Variants in SH3RF1 observed in about 807,000 individuals in gnomAD.
SH3RF1 encodes the protein SH3 domain containing ring finger 1.
Under a neutral mutation model 74.0 loss-of-function variants are expected in SH3RF1, and 32 were observed. The observed-to-expected ratio is 0.43, with a 90% CI of 0.33 to 0.58. SH3RF1 has a LOEUF of 0.58. Ranked by LOEUF, SH3RF1 falls within the 20% of genes least tolerant of loss-of-function variation. SH3RF1 has a pLI of 0.05. For synonymous variants in SH3RF1, 396 were observed against 439.6 expected (o/e 0.90, Z 1.24); for missense variants, 954 against 1,130.9 (o/e 0.84, Z 2.24).
chr4:169,114,108 G>A (rs902646813), intron 10 of SH3RF1, among the ~76,000 whole-genome samples: 24 of 152,172 alleles, frequency 1.6e-4, no homozygotes, highest in African/African-American at 5.8e-4. Flanking sequence ...TGACCAGTAA[G>A]GACCTGTACT....
intron 2 of SH3RF1, among the ~76,000 whole-genome samples, chr4:169,253,654 C>T (rs1316955688): frequency 6.6e-6 from 1 of 152,154 alleles, no homozygotes; most frequent in Non-Finnish European, 1.5e-5. Flanking sequence ...TCCTACCATC[C>T]ACAGGATTAC....
At chr4:169,137,107 C>G (rs935181671) in intron 4 of SH3RF1, among the ~76,000 whole-genome samples, 4 of 152,160 alleles carry the variant, frequency 2.6e-5, no homozygotes, top group African/African-American at 7.2e-5. Context: ...TAAAACCATT[C>G]AAAATGAACT....
intron 4 of SH3RF1, among the ~76,000 whole-genome samples, chr4:169,148,963 C>T (rs991744082): frequency 6.6e-6 from 1 of 152,070 alleles, no homozygotes; most frequent in Non-Finnish European, 1.5e-5. Flanking sequence ...AAGAACTTGG[C>T]GATTCTTTAG....
At chr4:169,184,444 G>C (rs941337056) in intron 2 of SH3RF1, among the ~76,000 whole-genome samples, 2 of 152,232 alleles carry the variant, frequency 1.3e-5, no homozygotes, top group South Asian at 2.1e-4. Flanking sequence ...TCAGACCCGG[G>C]CTTGCATCCA....
chr4:169,172,522 T>G (rs1734347852), intron 2 of SH3RF1, among the ~76,000 whole-genome samples: 1 of 152,224 alleles, frequency 6.6e-6, no homozygotes, highest in Non-Finnish European at 1.5e-5. Context: ...GTACAAAATA[T>G]AGTTGTATTA....
Position 169,179,972 on chromosome 4 carries a change from G to A in SH3RF1, c.394-23293C>T, listed in dbSNP as rs796592195. On this transcript the variant is annotated intron_variant, in intron 2 of 11. Coordinates refer to ENST00000284637, the MANE Select transcript of SH3RF1 (RefSeq NM_020870.4). ...TTCCATTCTGCAACAAGCTTTCTTG[G>A]AGGAAGGTGTGAATATATCAAACAT... is the stretch of plus-strand genomic sequence containing the variant. Among the ~76,000 whole-genome samples the A allele has an allele frequency of 8.5e-5, 13 of 152,308 alleles. No homozygotes were observed. The East Asian group carries it at 2.5e-3, about 29-fold the overall frequency.
At chr4:169,179,675 G>T (rs1354060561) in intron 2 of SH3RF1, among the ~76,000 whole-genome samples, 1 of 152,168 alleles carries the variant, frequency 6.6e-6, no homozygotes, top group East Asian at 1.9e-4. Flanking sequence ...GCTCCTGAGA[G>T]CCCCACGCAA....
At chr4:169,228,623 G>T (rs573488404) in intron 2 of SH3RF1, among the ~76,000 whole-genome samples, 1 of 152,250 alleles carries the variant, frequency 6.6e-6, no homozygotes, top group South Asian at 2.1e-4. Flanking sequence ...TCCTCTCCAG[G>T]TCAGCTGATT....
chr4:169,183,398 A>G (rs998213891), intron 2 of SH3RF1, among the ~76,000 whole-genome samples: 3 of 152,114 alleles, frequency 2.0e-5, no homozygotes, highest in Non-Finnish European at 4.4e-5. Flanking sequence ...CTCCTGGCTC[A>G]GCCTCCCGAG....
chr4:169,124,119 G>A (rs952965170), intron 6 of SH3RF1, among the ~76,000 whole-genome samples: 2 of 152,158 alleles, frequency 1.3e-5, no homozygotes, highest in African/African-American at 4.8e-5. Flanking sequence ...ACTGTATATA[G>A]AGTAATATAT....
chr4:169,218,646 C>T (rs1730506466), intron 2 of SH3RF1, among the ~76,000 whole-genome samples: 1 of 151,636 alleles, frequency 6.6e-6, no homozygotes, highest in Non-Finnish European at 1.5e-5. Context: ...AAAGTGAACA[C>T]CACCATCTCA....
chr4:169,177,277 C>G (rs567266348), intron 2 of SH3RF1, among the ~76,000 whole-genome samples: 1 of 152,086 alleles, frequency 6.6e-6, no homozygotes, highest in South Asian at 2.1e-4. Context: ...ATCTTTCTGC[C>G]CTTCAATTTC....
chr4:169,270,870 G>C lies in SH3RF1; in HGVS notation c.-107C>G, dbSNP rs1731439851. ...GCCGCGCGCCCTACCTCGCGCCTCG[G>C]CTCCTCCTCTTTGTTCGCGGCCCCG... On this transcript the variant is annotated 5_prime_UTR_variant, in exon 1 of 12. Transcript: ENST00000284637. The C allele has an allele frequency of 6.6e-6, 1 of 151,400 alleles. No individual in the cohort carries two copies. Among genetic ancestry groups the C allele is most frequent in the African/African-American group, 2.4e-5 (1 of 41,140 alleles). The allele number at this position is 151,400 out of a possible 1,614,324, so 9.4% of individuals were successfully genotyped here.
chr4:169,202,848 G>A (rs1426961859), intron 2 of SH3RF1, among the ~76,000 whole-genome samples: 4 of 152,164 alleles, frequency 2.6e-5, no homozygotes, highest in African/African-American at 9.7e-5. Context: ...TGTTGAGGTG[G>A]TCTTCAATAA....
intron 2 of SH3RF1, among the ~76,000 whole-genome samples, chr4:169,164,701 T>C (rs1299153434): frequency 6.6e-6 from 1 of 152,188 alleles, no homozygotes; most frequent in African/African-American, 2.4e-5. Flanking sequence ...TAAAACATAG[T>C]CCGTTCTGGA....
chr4:169,180,252 TAGAAA>T (rs934842013), intron 2 of SH3RF1, among the ~76,000 whole-genome samples: 11 of 114,902 alleles, frequency 9.6e-5, no homozygotes, highest in African/African-American at 2.6e-4. Flanking sequence ...TAAAGAGGTA[TAGAAA>T]AGAAAAGAAG....
chr4:169,222,053 T>C (rs928946033), intron 2 of SH3RF1, among the ~76,000 whole-genome samples: 5 of 152,352 alleles, frequency 3.3e-5, no homozygotes, highest in East Asian at 1.9e-4. Context: ...TATGTAATAA[T>C]AATATACATT....
chr4:169,212,157 C>G (rs552328964), intron 2 of SH3RF1, among the ~76,000 whole-genome samples: 18 of 148,410 alleles, frequency 1.2e-4, no homozygotes, highest in African/African-American at 4.2e-4. Flanking sequence ...CCCCGCCTCC[C>G]GGGTTCAAGC....
Position 169,096,522 on chromosome 4 carries a change from T to G in SH3RF1, c.2664A>C (p.Ile888=). The G allele has an allele frequency of 6.2e-7, 1 of 1,613,710 alleles. No homozygotes were observed. The highest frequency in any genetic ancestry group is 8.5e-7 in the Non-Finnish European group (1 of 1,179,870). The change falls in exon 12 of 12, where the codon ATA becomes ATC. Residue 888 remains isoleucine, a synonymous_variant. Transcript: ENST00000284637. ...AGCTTCTTCAGTGTCAGTCTCCTCATATGTTTTCCACAAAGCTTCCTGGGA... is the reference window on the plus strand; with the variant it reads ...AGCTTCTTCAGTGTCAGTCTCCTCAGATGTTTTCCACAAAGCTTCCTGGGA... ...GLFPGSFVEN[I]
Sources: allele counts gnomAD v4.1 joint callset (sites outside exome capture counted in the v4.1 genomes callset), GRCh38; gene constraint gnomAD v4.1.1; transcripts MANE v1.5; gene names NCBI Gene and HGNC (gene_info 2026-07-23, HGNC 2026-07-21).